VAC14: variants seen among roughly 807,000 people sequenced by gnomAD.
VAC14 encodes VAC14 component of PIKFYVE complex, also known as protein VAC14 homolog.
Under a neutral mutation model 85.3 loss-of-function variants are expected in VAC14, and 47 were observed. The ratio of observed to expected loss-of-function variants is 0.55; its 90% CI spans 0.44 to 0.70. The LOEUF is 0.70. Ranked by LOEUF, VAC14 falls within the 30% of genes least tolerant of loss-of-function variation. VAC14 has a pLI of 0.00. For missense variants in VAC14, 861 were observed against 1,004.3 expected, an observed-to-expected ratio of 0.86 and a Z score of 1.93; for synonymous variants, 447 against 430.5, an observed-to-expected ratio of 1.04 and a Z score of -0.47.
intron 18 of VAC14, chr16:70,690,261 G>A (rs551443313): frequency 4.3e-4 from 428 of 985,426 alleles, no homozygotes; most frequent in Non-Finnish European, 4.7e-4. Flanking sequence ...CTGTGTCACC[G>A]GGGGTGGGTG....
At chr16:70,737,260 G>A (rs1462302047) in intron 13 of VAC14, among the ~76,000 whole-genome samples, 1 of 152,204 alleles carries the variant, frequency 6.6e-6, no homozygotes, top group Admixed American at 6.5e-5. Context: ...AGTGGGAGCC[G>A]GGACGGGGCA....
At position 70,757,952 on chromosome 16, in the gene VAC14, C is replaced by T. The variant is rs1355787960; in HGVS notation, c.1371+4588G>A. 2.0e-5 allele frequency among the ~76,000 whole-genome samples: 3 copies of T among 152,212 alleles called. No individual in the cohort carries two copies. In the East Asian group the frequency reaches 5.8e-4, roughly 29 times the overall value. ...AAGTGGCAGAGCCCAAGGTGGACTC[C>T]TAGACTTCCTGAACCCAAAGCCCGT... On this transcript the variant is annotated intron_variant, in intron 12 of 18. Transcript: ENST00000261776.
At chr16:70,711,732 G>A (rs2142995868) in intron 14 of VAC14, among the ~76,000 whole-genome samples, 2 of 152,328 alleles carry the variant, frequency 1.3e-5, no homozygotes, top group South Asian at 4.1e-4. Context: ...AGCCATGAGT[G>A]CCTTTCTTGT....
chr16:70,720,409 C>T (rs1301186751), intron 14 of VAC14, among the ~76,000 whole-genome samples: 1 of 152,138 alleles, frequency 6.6e-6, no homozygotes, highest in Non-Finnish European at 1.5e-5. Context: ...TTGATCAGGA[C>T]GAGGAAAGAA....
At chr16:70,754,432 C>T (rs2031658883) in intron 12 of VAC14, among the ~76,000 whole-genome samples, 1 of 152,194 alleles carries the variant, frequency 6.6e-6, no homozygotes, top group South Asian at 2.1e-4. Flanking sequence ...CCTAGCTGTC[C>T]CCGAGGAGGA....
rs765717289 is a variant in VAC14, at chr16:70,762,747, G to A, written c.1305+134C>T. ...CCCGACACAATGAGGGCTCCTCGCA[G>A]CACCTGTCACTTCTCTGCCGGCCAG... is the stretch of plus-strand genomic sequence containing the variant. On this transcript the variant is annotated intron_variant, in intron 11 of 18. Transcript: ENST00000261776. The surrounding 1 kb of genome is among the most constrained non-coding windows in gnomAD (Gnocchi z 4.1). 23 of 1,507,630 alleles carry A rather than the reference G, an allele frequency of 1.5e-5. No individual in the cohort carries two copies. Among genetic ancestry groups the A allele is most frequent in the Non-Finnish European group, 2.1e-5 (23 of 1,103,626 alleles). 93.4% of individuals were successfully genotyped at this position (1,507,630 alleles called of 1,614,324 possible). A position where few individuals can be genotyped will look rare whatever the true frequency, so the allele number is the denominator to read the frequency against.
In VAC14 at chr16:70,774,376, G is replaced by C. The variant is rs200811340; in HGVS notation, c.1097-2204C>G. On this transcript the variant is annotated intron_variant, in intron 9 of 18. Transcript: ENST00000261776. ...TTGCGCATCATTGGAGGGATGTCACGGAAGTGCTGCGCCTCAGTGCACCCT... is the reference window on the plus strand; with the variant it reads ...TTGCGCATCATTGGAGGGATGTCACCGAAGTGCTGCGCCTCAGTGCACCCT... Among the ~76,000 whole-genome samples the C allele has an allele frequency of 2.6e-5, 4 of 152,228 alleles. No homozygotes were observed. In the East Asian group the frequency reaches 7.7e-4, roughly 29 times the overall value.
At position 70,785,906 on chromosome 16, in the gene VAC14, G is replaced by GGTT. The variant is rs1196045236; in HGVS notation, c.256-40_256-38dup. 9 of 1,577,490 alleles carry GGTT rather than the reference G, an allele frequency of 5.7e-6. No homozygotes were observed. The South Asian group carries it at 1.0e-4, about 18-fold the overall frequency. On this transcript the variant is annotated intron_variant, in intron 2 of 18. Transcript: ENST00000261776. ...CAGGAGGAGAAGACAGATCAGAATGGGTTGGAGCCCAGGCCCTGCAGCCTG... is the reference window on the plus strand; with the variant it reads ...CAGGAGGAGAAGACAGATCAGAATGGGTTGTTGGAGCCCAGGCCCTGCAGCCTG...
At chr16:70,772,223 A>G (rs1408235062) in intron 9 of VAC14, 51 bp from the exon 10 acceptor site, 1 of 1,491,190 alleles carries the variant, frequency 6.7e-7, no homozygotes, top group Non-Finnish European at 9.4e-7. Flanking sequence ...GGCTCTCTTG[A>G]ATAAACAAGA....
At chr16:70,763,147 G>T in intron 10 of VAC14, 122 bp from the exon 11 acceptor site, 1 of 1,409,736 alleles carries the variant, frequency 7.1e-7, no homozygotes, top group Non-Finnish European at 9.6e-7. Flanking sequence ...CCGTCTAGGG[G>T]GATCGGGGGT....
chr16:70,794,291 C>G (rs1166063873), intron 1 of VAC14, among the ~76,000 whole-genome samples: 1 of 152,222 alleles, frequency 6.6e-6, no homozygotes, highest in Non-Finnish European at 1.5e-5. Flanking sequence ...CAGTCACTCC[C>G]CATTCCCCCG....
intron 12 of VAC14, among the ~76,000 whole-genome samples, chr16:70,753,011 G>GT (rs1555521573): frequency 0.11 from 15,400 of 142,906 alleles, 849 homozygotes; most frequent in Non-Finnish European, 0.13. Context: ...AGGAGGAGGG[G>GT]GTGTGTGTGT....
intron 9 of VAC14, among the ~76,000 whole-genome samples, chr16:70,777,074 T>G (rs1213863185): frequency 6.6e-6 from 1 of 152,004 alleles, no homozygotes; most frequent in Non-Finnish European, 1.5e-5. Context: ...CCCAAAGTGC[T>G]GGGATTACAG....
chr16:70,741,020 G>A (rs1261618987), intron 13 of VAC14, among the ~76,000 whole-genome samples: 1 of 152,238 alleles, frequency 6.6e-6, no homozygotes, highest in Non-Finnish European at 1.5e-5. Context: ...CCCTACAGAT[G>A]CCACCGACTT....
intron 9 of VAC14, among the ~76,000 whole-genome samples, chr16:70,779,927 T>C (rs2033723464): frequency 6.6e-6 from 1 of 152,000 alleles, no homozygotes; most frequent in Non-Finnish European, 1.5e-5. Context: ...TTCTGCCTCC[T>C]GGGCTCCTGG....
intron 14 of VAC14, among the ~76,000 whole-genome samples, chr16:70,708,184 C>T (rs1404427254): frequency 6.6e-6 from 1 of 152,196 alleles, no homozygotes; most frequent in Non-Finnish European, 1.5e-5. Flanking sequence ...CCAGGACAGC[C>T]CTCCCCTGTC....
chr16:70,691,499 G>C (rs1390978291), intron 18 of VAC14: 2 of 985,316 alleles, frequency 2.0e-6, no homozygotes, highest in African/African-American at 3.5e-5. Flanking sequence ...ACAGCACTCC[G>C]GCCCCAGGAA....
intron 14 of VAC14, among the ~76,000 whole-genome samples, chr16:70,710,108 C>T (rs950476630): frequency 1.3e-5 from 2 of 152,242 alleles, no homozygotes; most frequent in Non-Finnish European, 1.5e-5. Flanking sequence ...CCCTGCCACC[C>T]GCATGGGACA....
rs183477561 is a variant in VAC14 at position 70,736,298 on chromosome 16, C to A, written c.1529-4671G>T. On this transcript the variant is annotated intron_variant, in intron 13 of 18. Coordinates refer to ENST00000261776, the MANE Select transcript of VAC14 (RefSeq NM_018052.5). ...AGTCTGCACTCAGTACACGGGGGCT[C>A]CTTTTTATTAGCAAGCGTCCCATAG... Among the ~76,000 whole-genome samples, 3 of 152,350 alleles carry A rather than the reference C, an allele frequency of 2.0e-5. No individual in the cohort carries two copies. In the East Asian group the frequency reaches 5.8e-4, roughly 29 times the overall value.
Sources: allele counts gnomAD v4.1 joint callset (sites outside exome capture counted in the v4.1 genomes callset), GRCh38; gene constraint gnomAD v4.1.1; non-coding constraint Gnocchi (gnomAD v3.1); transcripts MANE v1.5; gene names NCBI Gene and HGNC (gene_info 2026-07-23, HGNC 2026-07-21).